The following CMIP variants were observed in gnomAD, a reference collection of about 807,000 sequenced individuals.
CMIP encodes the protein c-Maf inducing protein, also known as C-Maf-inducing protein.
A neutral mutation model predicts 97.3 loss-of-function variants in CMIP; 13 were observed. The ratio of observed to expected loss-of-function variants is 0.13; its 90% CI spans 0.09 to 0.21. CMIP has a LOEUF of 0.21. Ranked by LOEUF, CMIP falls within the 10% of genes least tolerant of loss-of-function variation. CMIP has a pLI of 1.00. For missense variants in CMIP, 847 were observed against 1,024.9 expected, an observed-to-expected ratio of 0.83 and a Z score of 2.37; for synonymous variants, 538 against 436.3, an observed-to-expected ratio of 1.23 and a Z score of -2.91.
At position 81,529,692 on chromosome 16, in the gene CMIP, G is replaced by A. The variant is rs540239113; in HGVS notation, c.301-77875G>A. Among the ~76,000 whole-genome samples, 3 of 152,328 alleles carry A rather than the reference G, an allele frequency of 2.0e-5. No homozygotes were observed. The South Asian group carries it at 6.2e-4, about 32-fold the overall frequency. On this transcript the variant is annotated intron_variant, in intron 1 of 20. Coordinates refer to ENST00000537098, the MANE Select transcript of CMIP (RefSeq NM_198390.3). ...GGGACAGAGGGAGGTGGGAGAGTCT[G>A]AGTCTGAGGAGGAGATGTGCGGAGG...
In CMIP at chr16:81,710,927, T is replaced by G. The variant is rs1490900119; in HGVS notation, c.*1128T>G. 3 of 152,082 alleles carry G rather than the reference T, an allele frequency of 2.0e-5. No individual in the cohort carries two copies. The highest frequency in any genetic ancestry group is 4.4e-5 in the Non-Finnish European group (3 of 68,062). The allele number at this position is 152,082 out of a possible 1,614,324, so 9.4% of individuals were successfully genotyped here. On this transcript the variant is annotated 3_prime_UTR_variant, in exon 21 of 21. Transcript: ENST00000537098. ...CTGGGCTCCCCCTGCCATCGTGTGC[T>G]TCACGTGGCCCCATGCATGCCCGCC... is the stretch of plus-strand genomic sequence containing the variant.
At chr16:81,664,063 T>A (rs901749715) in intron 6 of CMIP, among the ~76,000 whole-genome samples, 5 of 151,942 alleles carry the variant, frequency 3.3e-5, no homozygotes, top group African/African-American at 1.2e-4. Context: ...CTGGGAAAGG[T>A]CTCTACCTTC....
intron 3 of CMIP, chr16:81,645,476 AT>A: frequency 6.5e-7 from 1 of 1,532,946 alleles, no homozygotes; most frequent in South Asian, 1.2e-5. Flanking sequence ...CAAGGGGCAC[AT>A]TCCTGCTGAC....
At chr16:81,461,633 A>ATTT (rs34602266) in intron 1 of CMIP, among the ~76,000 whole-genome samples, 4 of 152,166 alleles carry the variant, frequency 2.6e-5, no homozygotes, top group African/African-American at 9.7e-5. Flanking sequence ...AGCCAGTGGG[A>ATTT]TTTTTTTGAA....
intron 1 of CMIP, among the ~76,000 whole-genome samples, chr16:81,502,054 A>G (rs565879968): frequency 6.6e-6 from 1 of 152,304 alleles, no homozygotes; most frequent in East Asian, 1.9e-4. Context: ...AAGTGTTGCA[A>G]CTATTAAATA....
chr16:81,465,231 G>T (rs1907130178), intron 1 of CMIP, among the ~76,000 whole-genome samples: 1 of 152,162 alleles, frequency 6.6e-6, no homozygotes, highest in Non-Finnish European at 1.5e-5. Flanking sequence ...TTTTTGTAGG[G>T]TGTTCATTTG....
intron 1 of CMIP, among the ~76,000 whole-genome samples, chr16:81,504,351 T>C (rs1237445751): frequency 6.8e-6 from 1 of 147,600 alleles, no homozygotes; most frequent in Non-Finnish European, 1.5e-5. Context: ...AAATAGAAAA[T>C]GGCCAGCGGG....
intron 1 of CMIP, among the ~76,000 whole-genome samples, chr16:81,454,705 T>C (rs1474831100): frequency 2.0e-5 from 3 of 152,240 alleles, no homozygotes; most frequent in Admixed American, 2.0e-4. Flanking sequence ...AAGGGACTCA[T>C]AGTTAAATGG....
chr16:81,541,601 T>C (rs2090450338), intron 1 of CMIP, among the ~76,000 whole-genome samples: 1 of 152,240 alleles, frequency 6.6e-6, no homozygotes, highest in Admixed American at 6.5e-5. Context: ...CATAAACTTA[T>C]GAAATATGAG....
At chr16:81,581,498 A>G (rs1236677775) in intron 1 of CMIP, among the ~76,000 whole-genome samples, 1 of 152,212 alleles carries the variant, frequency 6.6e-6, no homozygotes, top group Admixed American at 6.5e-5. Context: ...ATATCTAAAC[A>G]TAGAAAAGGC....
At chr16:81,458,317 G>T (rs570099845) in intron 1 of CMIP, among the ~76,000 whole-genome samples, 1 of 152,164 alleles carries the variant, frequency 6.6e-6, no homozygotes, top group East Asian at 1.9e-4. Context: ...GAGTTGGCAT[G>T]CAGGTTCTAC....
At chr16:81,548,688 A>AG (rs2090596873) in intron 1 of CMIP, among the ~76,000 whole-genome samples, 2 of 151,464 alleles carry the variant, frequency 1.3e-5, no homozygotes, top group Non-Finnish European at 2.9e-5. Flanking sequence ...AAAAAAAAAA[A>AG]GAAAAAAAAA....
At position 81,569,992 on chromosome 16, in the gene CMIP, C is replaced by A. The variant is rs150640579; in HGVS notation, c.301-37575C>A. On this transcript the variant is annotated intron_variant, in intron 1 of 20. Transcript: ENST00000537098. ...TCATTCATTCAGCTTTCACTAACTTCTTCAGCCCTCCAGCATCTGTCTGTC... is the reference window on the plus strand; with the variant it reads ...TCATTCATTCAGCTTTCACTAACTTATTCAGCCCTCCAGCATCTGTCTGTC... Among the ~76,000 whole-genome samples the A allele has an allele frequency of 6.6e-5, 10 of 151,948 alleles. 1 individual carries two copies. Among genetic ancestry groups the A allele is most frequent in the African/African-American group, 1.9e-4 (8 of 41,298 alleles).
At chr16:81,681,197 G>T (rs865988387) in intron 10 of CMIP, among the ~76,000 whole-genome samples, 1 of 152,154 alleles carries the variant, frequency 6.6e-6, no homozygotes, top group African/African-American at 2.4e-5. Context: ...TTCCATCTTC[G>T]GGGAGCTCAA....
chr16:81,607,520 G>A, intron 1 of CMIP, 47 bp from the exon 2 acceptor site: 1 of 1,602,388 alleles, frequency 6.2e-7, no homozygotes, highest in Non-Finnish European at 8.5e-7. Context: ...CGTCATGCCT[G>A]CTACTGTAAC....
intron 1 of CMIP, among the ~76,000 whole-genome samples, chr16:81,556,011 T>A (rs1311293982): frequency 6.6e-6 from 1 of 152,166 alleles, no homozygotes; most frequent in African/African-American, 2.4e-5. Context: ...AGAATTTGAG[T>A]CCAGTCCTGG....
intron 1 of CMIP, among the ~76,000 whole-genome samples, chr16:81,482,941 C>T (rs146448074): frequency 1.3e-5 from 2 of 152,340 alleles, no homozygotes; most frequent in East Asian, 3.9e-4. Flanking sequence ...GGCGGTGGCG[C>T]GTCCACTGTG....
intron 10 of CMIP, among the ~76,000 whole-genome samples, chr16:81,683,658 C>T (rs1345842883): frequency 6.7e-6 from 1 of 149,876 alleles, no homozygotes; most frequent in African/African-American, 2.5e-5. Context: ...CCAAAGATTA[C>T]AGGCATGAGC....
intron 10 of CMIP, among the ~76,000 whole-genome samples, chr16:81,682,868 A>G (rs879466030): frequency 3.3e-5 from 5 of 152,232 alleles, no homozygotes; most frequent in Non-Finnish European, 7.3e-5. Context: ...AAGGAAAACT[A>G]TTCCAAATGC....
Sources: gnomAD v4.1 joint callset for allele counts (sites outside exome capture counted in the v4.1 genomes callset) on GRCh38, gnomAD v4.1.1 for gene constraint, MANE v1.5 for transcripts, NCBI Gene and HGNC (gene_info 2026-07-23, HGNC 2026-07-21) for gene names.